Variants in ZNHIT6 observed in about 807,000 individuals in gnomAD.
ZNHIT6 encodes zinc finger HIT-type containing 6.
ZNHIT6 carries 45 observed loss-of-function variants against 57.2 expected under a neutral mutation model. The ratio of observed to expected loss-of-function variants is 0.79; its 90% confidence interval spans 0.62 to 1.01. The LOEUF (loss-of-function observed/expected upper bound fraction) is 1.01. Ranked by LOEUF, ZNHIT6 falls within the 50% of genes least tolerant of loss-of-function variation. The pLI, the probability that ZNHIT6 is intolerant of heterozygous loss-of-function variation, is 0.00. For synonymous variants in ZNHIT6, 188 were observed against 190.0 expected (o/e 0.99, Z 0.09); for missense variants, 528 against 567.3 (o/e 0.93, Z 0.70).
In ZNHIT6 at chr1:85,689,487, A is replaced by G. The variant is rs565883296; in HGVS notation, c.1020-8583T>C. Among the ~76,000 whole-genome samples the G allele has an allele frequency of 1.0e-3, 155 of 152,308 alleles. 1 individual carries two copies. Among genetic ancestry groups the G allele is most frequent in the African/African-American group, 3.6e-3 (151 of 41,574 alleles). ...AAACCATAATTTTATGTCTCACATC[A>G]TTATGTAAATACTTTGGGAAGTAAT... On this transcript the variant is annotated intron_variant, in intron 5 of 9. Transcript: ENST00000370574.
At chr1:85,691,336 T>C (rs1008633833) in intron 5 of ZNHIT6, among the ~76,000 whole-genome samples, 1 of 152,226 alleles carries the variant, frequency 6.6e-6, no homozygotes, top group African/African-American at 2.4e-5. Flanking sequence ...TTTTGTTTAA[T>C]GAGGAATACT....
chr1:85,683,455 G>A lies in ZNHIT6; in HGVS notation c.1020-2551C>T, dbSNP rs149568876. Among the ~76,000 whole-genome samples the A allele has an allele frequency of 2.4e-4, 36 of 152,008 alleles. 1 individual carries two copies. The East Asian group carries it at 5.6e-3, about 24-fold the overall frequency. ...ATCACATTGCTTGAACCCGGGAGGC[G>A]GAGCTTGCAGTGAGCTGAGATTGAG... On this transcript the variant is annotated intron_variant, in intron 5 of 9. Coordinates refer to ENST00000370574, the MANE Select transcript of ZNHIT6 (RefSeq NM_017953.4).
chr1:85,673,046 A>G (rs1661605168), intron 8 of ZNHIT6, among the ~76,000 whole-genome samples: 1 of 152,212 alleles, frequency 6.6e-6, no homozygotes, highest in Non-Finnish European at 1.5e-5. Context: ...ATTTAGCAAC[A>G]TAGGCTTTTC....
chr1:85,695,525 A>G (rs954859713), intron 5 of ZNHIT6, among the ~76,000 whole-genome samples: 1 of 152,222 alleles, frequency 6.6e-6, no homozygotes, highest in African/African-American at 2.4e-5. Flanking sequence ...TGAAGCCACT[A>G]TATTTTGTTC....
intron 5 of ZNHIT6, among the ~76,000 whole-genome samples, chr1:85,700,164 T>C (rs74710096): frequency 0.024 from 3,713 of 152,278 alleles, 163 homozygotes; most frequent in African/African-American, 0.086. Context: ...CTTTAAACTT[T>C]TTAATGATAC....
At chr1:85,667,499 T>A (rs1413849892) in intron 8 of ZNHIT6, among the ~76,000 whole-genome samples, 1 of 152,022 alleles carries the variant, frequency 6.6e-6, no homozygotes, top group Non-Finnish European at 1.5e-5. Context: ...TCCTACAAGT[T>A]TAAGTAGATG....
At chr1:85,669,444 C>T (rs1174590017) in intron 8 of ZNHIT6, among the ~76,000 whole-genome samples, 1 of 152,140 alleles carries the variant, frequency 6.6e-6, no homozygotes, top group Non-Finnish European at 1.5e-5. Context: ...GAAATAAAAT[C>T]ATCCAAGAGA....
intron 5 of ZNHIT6, among the ~76,000 whole-genome samples, chr1:85,687,308 A>AAAAAAC (rs1662088814): frequency 6.9e-6 from 1 of 145,242 alleles, no homozygotes; most frequent in African/African-American, 2.5e-5. Flanking sequence ...ACAAAAAAAA[A>AAAAAAC]AAACAATTTA....
At chr1:85,693,527 C>G (rs1662276605) in intron 5 of ZNHIT6, among the ~76,000 whole-genome samples, 1 of 152,042 alleles carries the variant, frequency 6.6e-6, no homozygotes, top group African/African-American at 2.4e-5. Flanking sequence ...GTAGCAAAGA[C>G]AAAGAAATTA....
In ZNHIT6 at chr1:85,708,020, C is replaced by A. The variant is rs1662742153; in HGVS notation, c.265G>T (p.Glu89Ter). Reference sequence around the variant, plus strand: ...ACCCACTGGCCAGCCAACCTGCCTTCTGTACCTGGCCAGTCTATAATTTCC... The same window carrying A: ...ACCCACTGGCCAGCCAACCTGCCTTATGTACCTGGCCAGTCTATAATTTCC... Reference protein sequence around the residue: ...KQEIIDWPGTEGRLAGQWVEQ... With the variant: ...KQEIIDWPGT Residue 89 changes from glutamate to a stop codon, truncating the protein, a stop_gained, in exon 1 of 10, where the codon GAA (glutamate) becomes TAA (stop). Coordinates refer to ENST00000370574, the MANE Select transcript of ZNHIT6 (RefSeq NM_017953.4). LOFTEE classifies it high-confidence loss of function. 1 of 1,614,052 alleles carries A rather than the reference C, an allele frequency of 6.2e-7. No individual in the cohort carries two copies.
At chr1:85,662,372 T>C (rs945431084) in intron 8 of ZNHIT6, among the ~76,000 whole-genome samples, 6 of 152,160 alleles carry the variant, frequency 3.9e-5, no homozygotes, top group African/African-American at 9.7e-5. Flanking sequence ...AATAAGATCA[T>C]TGAATTAGGT....
intron 4 of ZNHIT6, among the ~76,000 whole-genome samples, chr1:85,704,631 T>C (rs187847565): frequency 6.5e-4 from 99 of 152,280 alleles, no homozygotes; most frequent in Admixed American, 2.2e-3. Flanking sequence ...AATTGTAAAG[T>C]AATTTATCTT....
At chr1:85,686,773 A>G (rs1468823629) in intron 5 of ZNHIT6, among the ~76,000 whole-genome samples, 1 of 152,146 alleles carries the variant, frequency 6.6e-6, no homozygotes, top group African/African-American at 2.4e-5. Context: ...CACTGTACAT[A>G]GCAAGAAGGC....
At position 85,666,256 on chromosome 1, in the gene ZNHIT6, G is replaced by A. The variant is rs182541768; in HGVS notation, c.1248-8285C>T. 7.1e-4 allele frequency among the ~76,000 whole-genome samples: 108 copies of A among 152,276 alleles called. 3 individuals are homozygous for A. Among genetic ancestry groups the A allele is most frequent in the Admixed American group, 7.1e-3 (108 of 15,290 alleles). On this transcript the variant is annotated intron_variant, in intron 8 of 9. Coordinates refer to ENST00000370574, the MANE Select transcript of ZNHIT6 (RefSeq NM_017953.4). ...ATGTTTAAAGTACTGAGCAGAGAAT[G>A]GGTATTGGAATACACATAGAATTCA...
chr1:85,708,377 C>A lies in ZNHIT6; in HGVS notation c.-93G>T. 2.7e-6 allele frequency: 4 copies of A among 1,471,838 alleles called. No homozygotes were observed. The highest frequency in any genetic ancestry group is 3.6e-6 in the Non-Finnish European group (4 of 1,107,074). The allele number at this position is 1,471,838 out of a possible 1,614,324, so 91.2% of individuals were successfully genotyped here. ...GAATTACCGGTCGGAATACCTACGG[C>A]GGCCCACGTGTGGAGCCAAGCAGCC... On this transcript the variant is annotated 5_prime_UTR_variant, in exon 1 of 10. Transcript: ENST00000370574.
intron 5 of ZNHIT6, among the ~76,000 whole-genome samples, chr1:85,692,676 A>G (rs1272404959): frequency 6.6e-6 from 1 of 151,674 alleles, no homozygotes; most frequent in Non-Finnish European, 1.5e-5. Context: ...AATTTGCAGC[A>G]AAGTACAAAC....
At chr1:85,655,486 C>T (rs1315858749) in intron 9 of ZNHIT6, among the ~76,000 whole-genome samples, 1 of 152,178 alleles carries the variant, frequency 6.6e-6, no homozygotes, top group East Asian at 1.9e-4. Flanking sequence ...TCTTGAGTTA[C>T]ACTAGAACAT....
chr1:85,692,064 G>A (rs552176459), intron 5 of ZNHIT6, among the ~76,000 whole-genome samples: 2 of 152,266 alleles, frequency 1.3e-5, no homozygotes, highest in South Asian at 2.1e-4. Flanking sequence ...AGCTTCTCAG[G>A]AGGCTGAGGC....
Position 85,677,249 on chromosome 1 carries a change from G to T in ZNHIT6, c.1234C>A (p.Gln412Lys). The change falls in exon 8 of 10, where the codon CAA becomes AAA. Residue 412 changes from glutamine to lysine, a missense_variant. Physicochemically the swap from Gln to Lys is moderately conservative, Grantham distance 53 (BLOSUM62 1). Transcript: ENST00000370574. ...QILMKIEYMQ[Q>K]NLVRYYELDP... ...GAGCAATTTTACCTTACTAAATTTT[G>T]CTGCATATATTCAATCTTCATTAAA... 1 of 1,603,430 alleles carries T rather than the reference G, an allele frequency of 6.2e-7. No individual in the cohort carries two copies. Among genetic ancestry groups the T allele is most frequent in the Non-Finnish European group, 8.5e-7 (1 of 1,176,768 alleles).
Sources: gnomAD v4.1 joint callset for allele counts (sites outside exome capture counted in the v4.1 genomes callset) on GRCh38, gnomAD v4.1.1 for gene constraint, MANE v1.5 for transcripts, NCBI Gene and HGNC (gene_info 2026-07-23, HGNC 2026-07-21) for gene names.